The following PAPPA2 variants were observed in gnomAD, a reference collection of about 807,000 sequenced individuals.
The protein encoded by PAPPA2 is pappalysin-2.
A neutral mutation model predicts 176.4 loss-of-function variants in PAPPA2; 86 were observed. The ratio of observed to expected loss-of-function variants is 0.49; its 90% confidence interval spans 0.41 to 0.58. PAPPA2 has a LOEUF of 0.58. PAPPA2 is among the 20% of genes least tolerant of loss of function. The pLI is 0.00. For synonymous variants in PAPPA2, 809 were observed against 852.2 expected, an observed-to-expected ratio of 0.95 and a Z score of 0.88; for missense variants, 2,073 against 2,256.9, an observed-to-expected ratio of 0.92 and a Z score of 1.65.
At chr1:176,548,982 T>C (rs1650786071) in intron 1 of PAPPA2, among the ~76,000 whole-genome samples, 1 of 152,176 alleles carries the variant, frequency 6.6e-6, no homozygotes, top group Non-Finnish European at 1.5e-5. Flanking sequence ...AATTAGTATA[T>C]ATGAAGTGGC....
chr1:176,553,732 T>A, intron 1 of PAPPA2: 1 of 151,718 alleles, frequency 6.6e-6, no homozygotes, highest in Middle Eastern at 3.2e-3. Flanking sequence ...CTTCCTGAAA[T>A]GAATGGTAGG....
Position 176,710,188 on chromosome 1 carries a change from C to T in PAPPA2, c.3651+12C>T, listed in dbSNP as rs753638412. On this transcript the variant is annotated intron_variant, in intron 11 of 22. Coordinates refer to ENST00000367662, the MANE Select transcript of PAPPA2 (RefSeq NM_020318.3). ...AACCTCATTCCCTAGTAAGTTAAGC[C>T]AGATGAATAGAGTCGAGCCTGCGCA... 7 of 1,611,444 alleles carry T rather than the reference C, an allele frequency of 4.3e-6. No individual in the cohort carries two copies. In the Admixed American group the frequency reaches 8.4e-5, roughly 19 times the overall value.
At chr1:176,574,241 A>G (rs941197387) in intron 2 of PAPPA2, among the ~76,000 whole-genome samples, 2 of 152,184 alleles carry the variant, frequency 1.3e-5, no homozygotes, top group Admixed American at 6.5e-5. Context: ...AATAATATGG[A>G]ATATTTATTA....
intron 1 of PAPPA2, among the ~76,000 whole-genome samples, chr1:176,541,008 G>A (rs958212069): frequency 2.6e-5 from 4 of 152,188 alleles, no homozygotes; most frequent in African/African-American, 9.7e-5. Flanking sequence ...AATGATTGGA[G>A]TTTCAAGATC....
At chr1:176,790,766 C>G (rs1665140730) in intron 18 of PAPPA2, among the ~76,000 whole-genome samples, 1 of 152,188 alleles carries the variant, frequency 6.6e-6, no homozygotes, top group African/African-American at 2.4e-5. Context: ...GTGCTACTCT[C>G]TATGTTCTAG....
At chr1:176,528,086 G>A (rs1649594892) in intron 1 of PAPPA2, among the ~76,000 whole-genome samples, 1 of 152,198 alleles carries the variant, frequency 6.6e-6, no homozygotes, top group Non-Finnish European at 1.5e-5. Context: ...TAGTGAAAGA[G>A]CATCATGCCA....
Position 176,840,216 on chromosome 1 carries a change from C to A in PAPPA2, c.5246C>A (p.Ala1749Asp). Residue 1749 changes from alanine to aspartate, a missense_variant, in exon 22 of 23, where the codon GCC becomes GAC. Ala to Asp is a moderately radical substitution (Grantham distance 126). Transcript: ENST00000367662. ...DGWCDTINNR[A>D]YCHYDGGDCC... ...TGGTGTGACACTATCAACAACCGAG[C>A]CTACTGCCACTATGACGGGGGAGAC... The A allele has an allele frequency of 2.5e-6, 4 of 1,613,442 alleles. No individual in the cohort carries two copies. The highest frequency in any genetic ancestry group is 3.4e-6 in the Non-Finnish European group (4 of 1,179,650).
intron 21 of PAPPA2, among the ~76,000 whole-genome samples, chr1:176,831,229 T>G (rs2102984315): frequency 6.6e-6 from 1 of 152,238 alleles, no homozygotes; most frequent in South Asian, 2.1e-4. Flanking sequence ...TGTGTAGTTT[T>G]GGTAACAGGT....
intron 1 of PAPPA2, among the ~76,000 whole-genome samples, chr1:176,489,803 A>C (rs1558398667): frequency 6.6e-6 from 1 of 152,182 alleles, no homozygotes; most frequent in Non-Finnish European, 1.5e-5. Flanking sequence ...CATCTATGGC[A>C]CTAAATGAGA....
chr1:176,820,581 C>T (rs774833184), intron 21 of PAPPA2, among the ~76,000 whole-genome samples: 6 of 152,098 alleles, frequency 3.9e-5, no homozygotes, highest in Non-Finnish European at 7.3e-5. Flanking sequence ...ATGTTGCTGC[C>T]CACTGTGCCA....
chr1:176,529,568 A>C (rs1038411248), intron 1 of PAPPA2, among the ~76,000 whole-genome samples: 5 of 152,150 alleles, frequency 3.3e-5, no homozygotes, highest in African/African-American at 1.2e-4. Flanking sequence ...GAGAGCACCT[A>C]TTAGCTCAAG....
intron 2 of PAPPA2, among the ~76,000 whole-genome samples, chr1:176,566,812 G>A (rs963448744): frequency 2.0e-5 from 3 of 152,092 alleles, no homozygotes; most frequent in African/African-American, 7.2e-5. Flanking sequence ...GTGCCAGGAG[G>A]TCTGACTCCT....
chr1:176,614,857 A>G (rs1655115940), intron 3 of PAPPA2, among the ~76,000 whole-genome samples: 1 of 152,176 alleles, frequency 6.6e-6, no homozygotes, highest in Admixed American at 6.5e-5. Context: ...CAAATTATCA[A>G]GTATCCAAAT....
intron 1 of PAPPA2, among the ~76,000 whole-genome samples, chr1:176,502,609 G>A (rs1370452951): frequency 6.6e-6 from 1 of 152,190 alleles, no homozygotes; most frequent in Non-Finnish European, 1.5e-5. Context: ...CACTAGGTAT[G>A]TTTCAGATGG....
chr1:176,621,420 C>G (rs1227125489), intron 3 of PAPPA2, among the ~76,000 whole-genome samples: 3 of 152,132 alleles, frequency 2.0e-5, no homozygotes, highest in Non-Finnish European at 2.9e-5. Context: ...AGCTGTTGTT[C>G]TCACCATCAT....
chr1:176,602,955 C>A (rs10798464), intron 3 of PAPPA2, among the ~76,000 whole-genome samples: 36,875 of 152,134 alleles, frequency 0.24, 4,486 homozygotes, highest in South Asian at 0.33. Flanking sequence ...AATGAAATCC[C>A]CAGTTTCTCT....
chr1:176,505,108 TCTTTC>T (rs1172862113), intron 1 of PAPPA2, among the ~76,000 whole-genome samples: 1 of 152,112 alleles, frequency 6.6e-6, no homozygotes, highest in Non-Finnish European at 1.5e-5. Context: ...AGTGGCCTTG[TCTTTC>T]CTAATTCCTT....
chr1:176,734,276 C>A (rs985409387), intron 12 of PAPPA2, among the ~76,000 whole-genome samples: 1 of 152,084 alleles, frequency 6.6e-6, no homozygotes, highest in Non-Finnish European at 1.5e-5. Context: ...TCTGATCTAA[C>A]CCCCTTCCAT....
rs920503822 is a variant in PAPPA2, at chr1:176,556,468, G to A, written c.146G>A (p.Arg49His). Residue 49 changes from arginine (R) to histidine (H), a missense_variant, in exon 2 of 23, where the codon CGT (arginine) becomes CAT (histidine). Arg to His is a conservative substitution (Grantham distance 29). Transcript: ENST00000367662. ...AATCAGGTGCTGTTGGAAGGAGAAC[G>A]TTGTTGGCTGGGGGCCAAGGTTCGA... The part of the protein sequence containing the change: ...HLNQVLLEGE[R>H]CWLGAKVRRP... 6.2e-6 allele frequency: 10 copies of A among 1,614,098 alleles called. No homozygotes were observed. The highest frequency in any genetic ancestry group is 7.6e-6 in the Non-Finnish European group (9 of 1,180,046).
Sources: allele counts gnomAD v4.1 joint callset (sites outside exome capture counted in the v4.1 genomes callset), GRCh38; gene constraint gnomAD v4.1.1; transcripts MANE v1.5; gene names NCBI Gene and HGNC (gene_info 2026-07-23, HGNC 2026-07-21).